The following CCDC186 variants were observed in gnomAD, a reference collection of about 807,000 sequenced individuals.
The protein encoded by CCDC186 is coiled-coil domain-containing protein 186.
Under a neutral mutation model 113.7 loss-of-function variants are expected in CCDC186, and 49 were observed. That is an observed-to-expected ratio of 0.43 (90% CI 0.34 to 0.55). The LOEUF (loss-of-function observed/expected upper bound fraction) is 0.55, where lower values mean the gene tolerates loss of function less well. Ranked by LOEUF, CCDC186 falls within the 20% of genes least tolerant of loss-of-function variation. CCDC186 has a pLI of 0.02. For missense variants in CCDC186, 890 were observed against 1,011.1 expected, an observed-to-expected ratio of 0.88 and a Z score of 1.62; for synonymous variants, 355 against 345.8, an observed-to-expected ratio of 1.03 and a Z score of -0.30.
chr10:114,142,180 A>G (rs1381126501), intron 6 of CCDC186, among the ~76,000 whole-genome samples: 1 of 152,200 alleles, frequency 6.6e-6, no homozygotes, highest in Non-Finnish European at 1.5e-5. Context: ...GCCTCGGGAG[A>G]AGAGCTTATT....
chr10:114,129,746 T>C, intron 13 of CCDC186, 145 bp downstream of exon 13: 1 of 586,332 alleles, frequency 1.7e-6, no homozygotes, highest in South Asian at 2.0e-5. Flanking sequence ...GCCAGACTGG[T>C]CTTGAACTTC....
intron 4 of CCDC186, among the ~76,000 whole-genome samples, chr10:114,149,241 T>C (rs186431891): frequency 1.2e-3 from 189 of 152,048 alleles, no homozygotes; most frequent in Admixed American, 2.0e-3. Flanking sequence ...CTACTATTAT[T>C]AGCATCATCT....
rs183237964 is a variant in CCDC186, at chr10:114,163,204, A to G, written c.65T>C (p.Leu22Ser). 10 of 1,613,776 alleles carry G rather than the reference A, an allele frequency of 6.2e-6. No homozygotes were observed. In the Admixed American group the frequency reaches 1.7e-4, roughly 27 times the overall value. ...SDKNVGKTPE[L>S]KEDSCNLFSG... The stretch of plus-strand genomic sequence containing the variant: ...AAACAAGTTGCATGAGTCTTCCTTT[A>G]ATTCAGGTGTTTTCCCAACATTTTT... Residue 22 changes from leucine (L) to serine (S), a missense_variant, in exon 2 of 16, where the codon TTA becomes TCA. By Grantham distance (145) the Leu-to-Ser change is moderately radical. Coordinates refer to ENST00000369287, the MANE Select transcript of CCDC186 (RefSeq NM_018017.4).
In CCDC186 at chr10:114,137,220, C is replaced by T. The variant is rs757447418; in HGVS notation, c.1292G>A (p.Arg431Gln). ...TTTTATCATATCCTGACAGTTTTTT[C>T]GTATCTGATCTGCTTCTTCCTTTGC... is the stretch of plus-strand genomic sequence containing the variant. ...TQAKEEADQIRKNCQDMIKTY... is the reference protein window; with the variant it reads ...TQAKEEADQIQKNCQDMIKTY... Residue 431 changes from arginine (R) to glutamine (Q), a missense_variant, in exon 7 of 16, where the codon CGA becomes CAA. Coordinates refer to ENST00000369287, the MANE Select transcript of CCDC186 (RefSeq NM_018017.4). 2.5e-5 allele frequency: 41 copies of T among 1,612,940 alleles called. No individual in the cohort carries two copies. Among genetic ancestry groups the T allele is most frequent in the African/African-American group, 6.7e-5 (5 of 74,808 alleles).
intron 11 of CCDC186, 23 bp from the exon 12 acceptor site, chr10:114,131,359 A>G: frequency 6.6e-7 from 1 of 1,516,236 alleles, no homozygotes; most frequent in Admixed American, 2.3e-5. Flanking sequence ...TAAAACAAAA[A>G]CCACCAATTT....
intron 6 of CCDC186, among the ~76,000 whole-genome samples, chr10:114,138,362 C>T (rs1465625738): frequency 7.4e-6 from 1 of 134,304 alleles, no homozygotes; most frequent in Non-Finnish European, 1.5e-5. Context: ...GGTGTGATGT[C>T]GGCTCATTGC....
chr10:114,132,144 T>C lies in CCDC186; in HGVS notation c.1696A>G (p.Ser566Gly), dbSNP rs761603441. 6.2e-7 allele frequency: 1 copy of C among 1,602,914 alleles called. No homozygotes were observed. The highest frequency in any genetic ancestry group is 8.5e-7 in the Non-Finnish European group (1 of 1,175,078). Reference protein sequence around the residue: ...EIENLKEEVESLNSLINDLQK... With the variant: ...EIENLKEEVEGLNSLINDLQK... ...AGGTCATTAATCAAAGAATTAAGAC[T>C]TTCCACTTCTTCTTTCAAATTTTCA... The change falls in exon 11 of 16, where the codon AGT becomes GGT. Residue 566 changes from serine to glycine, a missense_variant. Ser to Gly is a moderately conservative substitution (Grantham distance 56). Coordinates refer to ENST00000369287, the MANE Select transcript of CCDC186 (RefSeq NM_018017.4).
intron 13 of CCDC186, 98 bp downstream of exon 13, chr10:114,129,793 G>A: frequency 2.9e-6 from 3 of 1,027,140 alleles, no homozygotes; most frequent in South Asian, 2.8e-5. Context: ...TCCTCCCAAA[G>A]TGCTGGGATT....
chr10:114,149,778 CAGGAAGGCAGGAAGGAAG>C (rs2031781416), intron 4 of CCDC186, among the ~76,000 whole-genome samples: 2 of 14,498 alleles, frequency 1.4e-4, no homozygotes, highest in Non-Finnish European at 2.8e-4. Flanking sequence ...GGAAGGAAGG[CAGGAAGGCAGGAAGGAAG>C]GAAGGAAGGA....
chr10:114,149,778 CAGGAAGGCAGGAAGGAAGGAAGGA>C (rs2031781747), intron 4 of CCDC186, among the ~76,000 whole-genome samples: 1 of 14,496 alleles, frequency 6.9e-5, no homozygotes, highest in African/African-American at 2.5e-4. Context: ...GGAAGGAAGG[CAGGAAGGCAGGAAGGAAGGAAGGA>C]AGGAAGGAAG....
intron 1 of CCDC186, chr10:114,173,236 G>C (rs570781432): frequency 2.0e-5 from 9 of 455,128 alleles, no homozygotes; most frequent in African/African-American, 1.8e-4. Context: ...TAATCCAGAT[G>C]TTCTGACTCG....
chr10:114,150,128 G>C (rs966436052), intron 4 of CCDC186, among the ~76,000 whole-genome samples: 1 of 152,158 alleles, frequency 6.6e-6, no homozygotes, highest in African/African-American at 2.4e-5. Context: ...TAGCAGCTTC[G>C]GGGTAGAAAG....
intron 4 of CCDC186, among the ~76,000 whole-genome samples, chr10:114,147,610 T>C (rs145654273): frequency 6.6e-6 from 1 of 152,094 alleles, no homozygotes; most frequent in Non-Finnish European, 1.5e-5. Context: ...AAAAGAGGTA[T>C]AGATTAGATC....
rs754686685 is a variant in CCDC186, at chr10:114,121,449, T to C, written c.*3694A>G. ...ATGTAACAATTTTTAGAAAATAATA[T>C]ACTGCAAAAGAAAGATTGGAAACAT... On this transcript the variant is annotated 3_prime_UTR_variant, in exon 16 of 16. Transcript: ENST00000369287. The C allele has an allele frequency of 6.6e-6, 1 of 152,206 alleles. No individual in the cohort carries two copies. Among genetic ancestry groups the C allele is most frequent in the Admixed American group, 6.5e-5 (1 of 15,278 alleles). 9.4% of individuals were successfully genotyped at this position (152,206 alleles called of 1,614,324 possible). A position where few individuals can be genotyped will look rare whatever the true frequency, so the allele number is the denominator to read the frequency against.
intron 4 of CCDC186, 40 bp from the exon 5 acceptor site, chr10:114,145,801 G>A (rs754513425): frequency 6.6e-7 from 1 of 1,507,500 alleles, no homozygotes; most frequent in Non-Finnish European, 8.9e-7. Context: ...GAAAAATAAT[G>A]TTTCAAATGG....
At position 114,124,723 on chromosome 10, in the gene CCDC186, G is replaced by C. The variant is rs2030834292; in HGVS notation, c.*420C>G. 1 of 154,730 alleles carries C rather than the reference G, an allele frequency of 6.5e-6. No individual in the cohort carries two copies. Among genetic ancestry groups the C allele is most frequent in the Admixed American group, 6.5e-5 (1 of 15,344 alleles). 9.6% of individuals were successfully genotyped at this position (154,730 alleles called of 1,614,324 possible). A position where few individuals can be genotyped will look rare whatever the true frequency, so the allele number is the denominator to read the frequency against. ...TTTTATCATTTGTTTTAGTTGTCTT[G>C]ATGTTGGAGAAATAGCGTATTACTG... On this transcript the variant is annotated 3_prime_UTR_variant, in exon 16 of 16. Transcript: ENST00000369287.
rs1402293414 is a variant in CCDC186 at position 114,127,806 on chromosome 10, G to A, written c.2183-135C>T. 2.3e-5 allele frequency: 18 copies of A among 786,756 alleles called. No individual in the cohort carries two copies. The East Asian group carries it at 2.4e-4, about 11-fold the overall frequency. The allele number at this position is 786,756 out of a possible 1,614,324, so 48.7% of individuals were successfully genotyped here. Reference sequence around the variant, plus strand: ...GACACAGAAGACAACACAGGTCAACGTGGCTGAGGTTCTGGTTTCTGAATA... The same window carrying A: ...GACACAGAAGACAACACAGGTCAACATGGCTGAGGTTCTGGTTTCTGAATA... On this transcript the variant is annotated intron_variant, in intron 13 of 15. Coordinates refer to ENST00000369287, the MANE Select transcript of CCDC186 (RefSeq NM_018017.4).
At position 114,163,084 on chromosome 10, in the gene CCDC186, C is replaced by A. The variant is rs532080412; in HGVS notation, c.185G>T (p.Arg62Leu). 6.2e-7 allele frequency: 1 copy of A among 1,613,898 alleles called. No homozygotes were observed. Among genetic ancestry groups the A allele is most frequent in the Non-Finnish European group, 8.5e-7 (1 of 1,179,972 alleles). Residue 62 changes from arginine (R) to leucine (L), a missense_variant, in exon 2 of 16, where the codon CGA becomes CTA. Arg to Leu is a moderately radical substitution (Grantham distance 102). Transcript: ENST00000369287. ...AATATAATTTTCCTGGGCTTCAATT[C>A]GATTATTATGCTCATTAGGTTGACA... ...TLCQPNEHNNRIEAQENYIPD... is the reference protein window; with the variant it reads ...TLCQPNEHNNLIEAQENYIPD...
intron 1 of CCDC186, among the ~76,000 whole-genome samples, chr10:114,167,240 C>T (rs1255078444): frequency 1.3e-5 from 2 of 151,988 alleles, no homozygotes; most frequent in East Asian, 3.9e-4. Flanking sequence ...AGGATGGTCT[C>T]AATCTCTGGA....
Sources: allele counts gnomAD v4.1 joint callset (sites outside exome capture counted in the v4.1 genomes callset), GRCh38; gene constraint gnomAD v4.1.1; transcripts MANE v1.5; gene names NCBI Gene and HGNC (gene_info 2026-07-23, HGNC 2026-07-21).